Variants in ROBO2 observed in about 807,000 individuals in gnomAD.
ROBO2 encodes roundabout guidance receptor 2.
In ROBO2, 53 loss-of-function variants were observed where a neutral mutation model predicts 160.8. That is an observed-to-expected ratio of 0.33 (90% CI 0.26 to 0.41). The LOEUF (loss-of-function observed/expected upper bound fraction) is 0.41. Among genes scored for constraint, ROBO2 ranks in the 10% least tolerant of loss-of-function variants. The pLI is 1.00. For synonymous variants in ROBO2, 664 were observed against 611.7 expected (o/e 1.09, Z -1.26); for missense variants, 1,577 against 1,722.4 (o/e 0.92, Z 1.49).
intron 2 of ROBO2, among the ~76,000 whole-genome samples, chr3:76,628,094 A>G (rs916772240): frequency 1.3e-5 from 2 of 152,182 alleles, no homozygotes; most frequent in African/African-American, 4.8e-5. Flanking sequence ...TTGAGTTCTC[A>G]TGCCAGAATG....
At chr3:76,946,876 C>T (rs2078582969) in intron 2 of ROBO2, among the ~76,000 whole-genome samples, 1 of 152,190 alleles carries the variant, frequency 6.6e-6, no homozygotes. Context: ...AGGCTGTAAG[C>T]CGGGGACAAA....
intron 2 of ROBO2, among the ~76,000 whole-genome samples, chr3:76,856,555 C>G (rs1339860154): frequency 6.6e-6 from 1 of 152,152 alleles, no homozygotes; most frequent in Non-Finnish European, 1.5e-5. Context: ...TGCCCCTACA[C>G]TTTCTTAAAT....
intron 2 of ROBO2, among the ~76,000 whole-genome samples, chr3:76,707,889 A>G (rs1265044414): frequency 1.3e-5 from 2 of 151,996 alleles, no homozygotes; most frequent in African/African-American, 2.4e-5. Flanking sequence ...TGTGTACCAC[A>G]GAAAAAGAAC....
intron 2 of ROBO2, among the ~76,000 whole-genome samples, chr3:76,465,046 G>C (rs894500276): frequency 6.6e-6 from 1 of 152,056 alleles, no homozygotes; most frequent in Non-Finnish European, 1.5e-5. Context: ...TGGTAAACAA[G>C]TACATGAATT....
At chr3:76,985,154 A>G (rs111478030) in intron 2 of ROBO2, among the ~76,000 whole-genome samples, 133 of 152,296 alleles carry the variant, frequency 8.7e-4, no homozygotes, top group African/African-American at 3.0e-3. Flanking sequence ...AATTTATTAG[A>G]TCAATAATTT....
intron 2 of ROBO2, among the ~76,000 whole-genome samples, chr3:76,201,556 A>G (rs1702529277): frequency 6.6e-6 from 1 of 152,204 alleles, no homozygotes; most frequent in Non-Finnish European, 1.5e-5. Context: ...AACAATTGCC[A>G]GCAAAATGAC....
intron 2 of ROBO2, among the ~76,000 whole-genome samples, chr3:76,334,550 CTTG>C (rs1169495775): frequency 6.6e-6 from 1 of 152,070 alleles, no homozygotes; most frequent in Non-Finnish European, 1.5e-5. Context: ...CTACAAGCAG[CTTG>C]GCTTTTCTTT....
chr3:77,522,559 G>T (rs1351511812), intron 5 of ROBO2, among the ~76,000 whole-genome samples: 1 of 151,228 alleles, frequency 6.6e-6, no homozygotes, highest in African/African-American at 2.4e-5. Flanking sequence ...CATATGTGAA[G>T]TATAGGTAAC....
intron 2 of ROBO2, among the ~76,000 whole-genome samples, chr3:76,400,384 A>G (rs1468717895): frequency 1.3e-5 from 2 of 151,628 alleles, no homozygotes; most frequent in Admixed American, 1.3e-4. Flanking sequence ...TCTAGATACC[A>G]AAGTTATCTT....
rs531262561 is a variant in ROBO2 at position 76,993,338 on chromosome 3, TAAAG to T, written c.110-104674_110-104671del. ...ACTCTTGTCTTGAAAAGTGAAGGAA[TAAAG>T]AGTTTGTGAAATTCAAATGTATCTT... On this transcript the variant is annotated intron_variant, in intron 2 of 26. Transcript: ENST00000487694. Among the ~76,000 whole-genome samples the T allele has an allele frequency of 1.3e-3, 205 of 152,284 alleles. 1 individual carries two copies. The highest frequency in any genetic ancestry group is 3.4e-3 in the Middle Eastern group (1 of 294).
At chr3:76,904,776 G>A (rs542099070) in intron 2 of ROBO2, among the ~76,000 whole-genome samples, 2 of 152,064 alleles carry the variant, frequency 1.3e-5, no homozygotes, top group Admixed American at 1.3e-4. Flanking sequence ...CCCACGCAAA[G>A]AACATCTTAT....
chr3:76,873,938 C>T (rs1463295346), intron 2 of ROBO2, among the ~76,000 whole-genome samples: 2 of 152,028 alleles, frequency 1.3e-5, no homozygotes, highest in Non-Finnish European at 2.9e-5. Context: ...TTATTGACCC[C>T]TGTGGCCTTG....
intron 2 of ROBO2, among the ~76,000 whole-genome samples, chr3:76,821,838 T>G (rs2066147427): frequency 6.6e-6 from 1 of 152,016 alleles, no homozygotes. Flanking sequence ...CCTTTTTAAC[T>G]ATCACTGCTT....
At chr3:75,998,703 C>T (rs995741763) in intron 2 of ROBO2, among the ~76,000 whole-genome samples, 2 of 152,064 alleles carry the variant, frequency 1.3e-5, no homozygotes, top group African/African-American at 4.8e-5. Flanking sequence ...TGCACAGAAA[C>T]AAGAGAAAAA....
At position 77,574,534 on chromosome 3, in the gene ROBO2, A is replaced by C. The variant is rs886058877; in HGVS notation, c.2007A>C (p.Arg669=). 3 of 1,613,378 alleles carry C rather than the reference A, an allele frequency of 1.9e-6. No individual in the cohort carries two copies. The highest frequency in any genetic ancestry group is 2.5e-6 in the Non-Finnish European group (3 of 1,179,558). Reference sequence around the variant, plus strand: ...AACCCCAGTTTATCCAAGGCTACCGAGTGATGTATCGTCAGACTTCAGGTC... The same window carrying C: ...AACCCCAGTTTATCCAAGGCTACCGCGTGATGTATCGTCAGACTTCAGGTC... Residue 669 remains arginine, a synonymous_variant, in exon 14 of 26, where the codon CGA becomes CGC. Coordinates refer to ENST00000461745, the Ensembl canonical transcript of ROBO2.
chr3:76,326,344 A>AC (rs1191275695), intron 2 of ROBO2, among the ~76,000 whole-genome samples: 4 of 152,064 alleles, frequency 2.6e-5, no homozygotes, highest in Non-Finnish European at 4.4e-5. Context: ...GTTCACTTTA[A>AC]CCCTGTCCAG....
intron 2 of ROBO2, among the ~76,000 whole-genome samples, chr3:76,109,394 G>A (rs1486991458): frequency 2.0e-5 from 3 of 151,952 alleles, no homozygotes; most frequent in Non-Finnish European, 4.4e-5. Context: ...GTAGAGAAAC[G>A]CAAGATGTCA....
At chr3:76,453,382 A>G (rs1030965938) in intron 2 of ROBO2, among the ~76,000 whole-genome samples, 1 of 152,158 alleles carries the variant, frequency 6.6e-6, no homozygotes, top group Non-Finnish European at 1.5e-5. Context: ...TCCAGTTTCA[A>G]CTTCCTACAT....
At chr3:76,062,591 G>A (rs1479508334) in intron 2 of ROBO2, among the ~76,000 whole-genome samples, 1 of 152,144 alleles carries the variant, frequency 6.6e-6, no homozygotes, top group Non-Finnish European at 1.5e-5. Context: ...ATGCTTATAT[G>A]AGGGTTATAG....
Sources: allele counts gnomAD v4.1 joint callset (sites outside exome capture counted in the v4.1 genomes callset), GRCh38; gene constraint gnomAD v4.1.1; transcripts MANE v1.5; gene names NCBI Gene and HGNC (gene_info 2026-07-23, HGNC 2026-07-21).